Variants in RASGEF1B observed in about 807,000 individuals in gnomAD.
RASGEF1B encodes RasGEF domain family member 1B, also known as ras-GEF domain-containing family member 1B.
In RASGEF1B, 30 loss-of-function variants were observed where a neutral mutation model predicts 65.7. That is an observed-to-expected ratio of 0.46 (90% CI 0.34 to 0.62). RASGEF1B has a LOEUF of 0.62. Ranked by LOEUF, RASGEF1B falls within the 20% of genes least tolerant of loss-of-function variation. The probability of loss-of-function intolerance (pLI) is 0.01; values close to 1 mark genes in which losing one functional copy is unlikely to be tolerated. For synonymous variants in RASGEF1B, 175 were observed against 194.8 expected, an observed-to-expected ratio of 0.90 and a Z score of 0.85; for missense variants, 495 against 580.1, an observed-to-expected ratio of 0.85 and a Z score of 1.51.
chr4:81,434,079 T>C (rs1463013131), intron 11 of RASGEF1B, 116 bp from the exon 12 acceptor site: 3 of 874,438 alleles, frequency 3.4e-6, no homozygotes, highest in East Asian at 5.1e-5. Flanking sequence ...AGACAGGGTT[T>C]CACTCTGTCA....
chr4:81,442,268 C>T (rs765105829), intron 9 of RASGEF1B, 29 bp downstream of exon 9: 1 of 1,492,288 alleles, frequency 6.7e-7, no homozygotes, highest in African/African-American at 1.4e-5. Context: ...TAAAGTGTTA[C>T]TTAACAGCAA....
At position 81,444,390 on chromosome 4, in the gene RASGEF1B, T is replaced by C. The variant is rs1721947912; in HGVS notation, c.928+1136A>G. Among the ~76,000 whole-genome samples, 3 of 152,240 alleles carry C rather than the reference T, an allele frequency of 2.0e-5. No individual in the cohort carries two copies. In the South Asian group the frequency reaches 6.2e-4, roughly 32 times the overall value. The stretch of plus-strand genomic sequence containing the variant: ...GCTGAGACTTGGCCAGTATTTTTTA[T>C]GGGGGGAGAGAAAGAGGAAATGATA... On this transcript the variant is annotated intron_variant, in intron 8 of 13. Transcript: ENST00000264400.
chr4:81,455,595 G>A (rs1428000611), intron 4 of RASGEF1B: 4 of 152,192 alleles, frequency 2.6e-5, no homozygotes, highest in African/African-American at 9.7e-5. Flanking sequence ...AAGTGTATCT[G>A]TGCCTGAATG....
intron 8 of RASGEF1B, among the ~76,000 whole-genome samples, chr4:81,444,099 T>C (rs1305989778): frequency 3.3e-5 from 5 of 152,188 alleles, no homozygotes. Context: ...ATGACAAATC[T>C]GTTTCAGTCT....
chr4:81,466,770 A>AAGAAGAAAGAAAGAAAGAAAG, intron 1 of RASGEF1B, among the ~76,000 whole-genome samples: 2 of 36,096 alleles, frequency 5.5e-5, no homozygotes, highest in South Asian at 1.1e-3. Flanking sequence ...AAAAAAAAAA[A>AAGAAGAAAGAAAGAAAGAAAG]AAAGAAAGAA....
At chr4:81,464,504 G>A (rs181508586) in intron 1 of RASGEF1B, among the ~76,000 whole-genome samples, 10 of 152,272 alleles carry the variant, frequency 6.6e-5, no homozygotes, top group Non-Finnish European at 1.0e-4. Flanking sequence ...CTCACCTTAC[G>A]AAGTTGCATT....
intron 1 of RASGEF1B, among the ~76,000 whole-genome samples, chr4:81,460,244 T>C (rs1722595917): frequency 2.0e-5 from 3 of 152,192 alleles, no homozygotes; most frequent in Non-Finnish European, 2.9e-5. Context: ...CTGAGATAAG[T>C]TGCTCCTCTC....
chr4:81,439,518 T>G (rs968840409), intron 10 of RASGEF1B, among the ~76,000 whole-genome samples: 1 of 152,192 alleles, frequency 6.6e-6, no homozygotes, highest in Admixed American at 6.5e-5. Context: ...CTCACAGATA[T>G]GACTCCACAG....
At chr4:81,429,517 A>T (rs998675651) in intron 13 of RASGEF1B, among the ~76,000 whole-genome samples, 4 of 152,138 alleles carry the variant, frequency 2.6e-5, no homozygotes, top group East Asian at 1.9e-4. Flanking sequence ...CCACGGACCT[A>T]GGTGAGGACA....
At chr4:81,462,772 T>C (rs533223817) in intron 1 of RASGEF1B, among the ~76,000 whole-genome samples, 79 of 152,328 alleles carry the variant, frequency 5.2e-4, no homozygotes, top group Non-Finnish European at 4.9e-4. Flanking sequence ...TGAATCCCCA[T>C]TCCAGGTCTC....
chr4:81,432,717 T>G (rs1035006), intron 12 of RASGEF1B, among the ~76,000 whole-genome samples: 1 of 152,034 alleles, frequency 6.6e-6, no homozygotes, highest in East Asian at 1.9e-4. Context: ...TTCCTGGTAG[T>G]CTGAGTTGTT....
intron 8 of RASGEF1B, among the ~76,000 whole-genome samples, chr4:81,444,392 G>T (rs898137166): frequency 6.6e-6 from 1 of 152,216 alleles, no homozygotes; most frequent in South Asian, 2.1e-4. Context: ...ATTTTTTATG[G>T]GGGGAGAGAA....
At chr4:81,427,869 T>C in intron 13 of RASGEF1B, 77 bp from the exon 14 acceptor site, 2 of 1,347,786 alleles carry the variant, frequency 1.5e-6, no homozygotes, top group Non-Finnish European at 2.1e-6. Context: ...CCTTGTGTAA[T>C]ACTAATTTTA....
chr4:81,461,195 G>A (rs1443434653), intron 1 of RASGEF1B, among the ~76,000 whole-genome samples: 2 of 152,204 alleles, frequency 1.3e-5, no homozygotes, highest in African/African-American at 4.8e-5. Flanking sequence ...GTTGCAAACT[G>A]GCCATCCTTG....
intron 11 of RASGEF1B, 66 bp downstream of exon 11, chr4:81,434,573 G>T: frequency 1.1e-6 from 1 of 874,758 alleles, no homozygotes; most frequent in Non-Finnish European, 2.0e-6. Flanking sequence ...GGCCAGGAAT[G>T]CGGTGCTGGA....
In RASGEF1B at chr4:81,457,288, A is replaced by T. The variant is rs939298517; in HGVS notation, c.300+211T>A. On this transcript the variant is annotated intron_variant, in intron 3 of 13. Transcript: ENST00000264400. ...CACCCTGGCCTCCCAAAGTGCTGGG[A>T]TTACAGGCGTGAGCCAGTGCACCCG... Among the ~76,000 whole-genome samples the T allele has an allele frequency of 7.9e-5, 12 of 152,214 alleles. No individual in the cohort carries two copies. The East Asian group carries it at 2.3e-3, about 29-fold the overall frequency.
intron 10 of RASGEF1B, among the ~76,000 whole-genome samples, chr4:81,440,613 ATTAT>A (rs1354124637): frequency 6.6e-6 from 1 of 152,210 alleles, no homozygotes; most frequent in Non-Finnish European, 1.5e-5. Context: ...CTACAGAGTA[ATTAT>A]TTAAGTAATG....
intron 5 of RASGEF1B, 38 bp downstream of exon 5, chr4:81,448,031 T>C: frequency 6.4e-7 from 1 of 1,560,946 alleles, no homozygotes; most frequent in South Asian, 1.1e-5. Context: ...GCAAAGCAAA[T>C]CTGTGGTTGT....
chr4:81,465,469 G>A (rs1722775331), intron 1 of RASGEF1B, among the ~76,000 whole-genome samples: 1 of 152,216 alleles, frequency 6.6e-6, no homozygotes, highest in African/African-American at 2.4e-5. Context: ...TTAGTTGACA[G>A]ACAAGACATC....
Sources: allele counts gnomAD v4.1 joint callset (sites outside exome capture counted in the v4.1 genomes callset), GRCh38; gene constraint gnomAD v4.1.1; transcripts MANE v1.5; gene names NCBI Gene and HGNC (gene_info 2026-07-23, HGNC 2026-07-21).